ELF1: variants seen among roughly 807,000 people sequenced by gnomAD.
ELF1 encodes the protein E74 like ETS transcription factor 1, also known as ETS-related transcription factor Elf-1.
Under a neutral mutation model 59.9 loss-of-function variants are expected in ELF1, and 24 were observed. The ratio of observed to expected loss-of-function variants is 0.40; its 90% CI spans 0.29 to 0.56. The LOEUF is 0.56. Ranked by LOEUF, ELF1 falls within the 20% of genes least tolerant of loss-of-function variation. ELF1 has a pLI of 0.44. For synonymous variants in ELF1, 248 were observed against 266.2 expected (o/e 0.93, Z 0.67); for missense variants, 627 against 742.2 (o/e 0.84, Z 1.80).
At chr13:41,052,853 A>G (rs1258608482) in intron 1 of ELF1, among the ~76,000 whole-genome samples, 1 of 152,256 alleles carries the variant, frequency 6.6e-6, no homozygotes, top group African/African-American at 2.4e-5. Flanking sequence ...ACCTACATAA[A>G]CGTGCACTTT....
At chr13:41,052,582 C>A (rs941475977) in intron 1 of ELF1, among the ~76,000 whole-genome samples, 2 of 152,010 alleles carry the variant, frequency 1.3e-5, no homozygotes, top group East Asian at 3.9e-4. Flanking sequence ...CAGGCACAGT[C>A]GCTCACGCCT....
intron 8 of ELF1, among the ~76,000 whole-genome samples, chr13:40,937,510 C>T (rs776955264): frequency 4.6e-5 from 7 of 152,238 alleles, no homozygotes; most frequent in Non-Finnish European, 8.8e-5. Flanking sequence ...CACCCTGTCA[C>T]TTGGGCTGGA....
intron 1 of ELF1, among the ~76,000 whole-genome samples, chr13:41,054,810 C>T (rs1422932334): frequency 6.6e-6 from 1 of 152,170 alleles, no homozygotes; most frequent in Non-Finnish European, 1.5e-5. Context: ...ATAATCCTTC[C>T]ATCCACCAGT....
chr13:41,042,669 T>C (rs1876668586), intron 1 of ELF1, among the ~76,000 whole-genome samples: 1 of 152,208 alleles, frequency 6.6e-6, no homozygotes, highest in Non-Finnish European at 1.5e-5. Flanking sequence ...TAGTATTCCA[T>C]GGTGTATATG....
Position 40,932,972 on chromosome 13 carries a change from C to A in ELF1, c.*453G>T. Reference sequence around the variant, plus strand: ...CAACTAAAGTCAATCTAAGTGACACCATAATTTTAACAAAGCATAAAATAG... The same window carrying A: ...CAACTAAAGTCAATCTAAGTGACACAATAATTTTAACAAAGCATAAAATAG... On this transcript the variant is annotated 3_prime_UTR_variant, in exon 9 of 9. Coordinates refer to ENST00000239882, the MANE Select transcript of ELF1 (RefSeq NM_172373.4). 1 of 163,318 alleles carries A rather than the reference C, an allele frequency of 6.1e-6. No homozygotes were observed. The highest frequency in any genetic ancestry group is 1.3e-5 in the Non-Finnish European group (1 of 75,234). 10.1% of individuals were successfully genotyped at this position (163,318 alleles called of 1,614,324 possible).
In ELF1 at chr13:40,933,787, C is replaced by A. The variant is rs781286344; in HGVS notation, c.1498G>T (p.Gly500Cys). The change falls in exon 9 of 9, where the codon GGC (glycine) becomes TGC (cysteine). Residue 500 changes from glycine (G) to cysteine (C), a missense_variant. Physicochemically the swap from Gly to Cys is radical, Grantham distance 159. Coordinates refer to ENST00000239882, the MANE Select transcript of ELF1 (RefSeq NM_172373.4). ...KAGSPPSIVL[G>C]PAQVQQVLTS... is the part of the protein sequence containing the mutation. ...AGGACCTGCTGAACCTGGGCAGGGC[C>A]CAAGACAATTGAAGGAGGAGAGCCC... 6.2e-7 allele frequency: 1 copy of A among 1,614,234 alleles called. No individual in the cohort carries two copies. The highest frequency in any genetic ancestry group is 2.2e-5 in the East Asian group (1 of 44,882).
chr13:41,016,595 T>C (rs1817932148), intron 1 of ELF1, among the ~76,000 whole-genome samples: 1 of 152,004 alleles, frequency 6.6e-6, no homozygotes, highest in South Asian at 2.1e-4. Context: ...AGGTATCACA[T>C]TAAACAATAT....
intron 1 of ELF1, among the ~76,000 whole-genome samples, chr13:40,986,775 A>G (rs766154641): frequency 5.9e-5 from 9 of 152,148 alleles, no homozygotes; most frequent in Non-Finnish European, 1.3e-4. Flanking sequence ...TCAAATGGCT[A>G]CTTGTTTAAT....
chr13:41,028,204 G>A (rs976183896), intron 1 of ELF1, among the ~76,000 whole-genome samples: 1 of 152,140 alleles, frequency 6.6e-6, no homozygotes, highest in Admixed American at 6.5e-5. Flanking sequence ...CAGCCACTTT[G>A]GGCTCCTCAT....
At chr13:40,965,337 G>A (rs1270159525) in intron 2 of ELF1, among the ~76,000 whole-genome samples, 1 of 152,116 alleles carries the variant, frequency 6.6e-6, no homozygotes, top group African/African-American at 2.4e-5. Flanking sequence ...AAATGAAGGT[G>A]TTGGCCGGGT....
At chr13:41,060,259 G>A (rs1267619607) in intron 1 of ELF1, among the ~76,000 whole-genome samples, 2 of 152,228 alleles carry the variant, frequency 1.3e-5, no homozygotes, top group African/African-American at 2.4e-5. Context: ...TGCGGCCAGA[G>A]AACCACTAGA....
chr13:41,013,942 ATTATAT>A (rs900471946), intron 1 of ELF1, among the ~76,000 whole-genome samples: 26 of 151,926 alleles, frequency 1.7e-4, no homozygotes, highest in African/African-American at 6.3e-4. Context: ...ATTTTCTTTA[ATTATAT>A]TTATATTTTT....
intron 1 of ELF1, among the ~76,000 whole-genome samples, chr13:41,055,231 A>T (rs1309469309): frequency 6.6e-6 from 1 of 152,116 alleles, no homozygotes; most frequent in East Asian, 1.9e-4. Flanking sequence ...AGGCATCAGG[A>T]GGATAGTAAA....
chr13:40,993,259 T>C (rs1425325873), intron 1 of ELF1: 8 of 1,582,122 alleles, frequency 5.1e-6, no homozygotes, highest in Non-Finnish European at 6.9e-6. Context: ...ACAGATGTTG[T>C]TGGGCCTCTG....
chr13:40,989,626 C>T (rs1197402279), intron 1 of ELF1, among the ~76,000 whole-genome samples: 2 of 151,872 alleles, frequency 1.3e-5, no homozygotes, highest in East Asian at 3.9e-4. Flanking sequence ...GCATTTTACA[C>T]TAACATCCAT....
intron 8 of ELF1, among the ~76,000 whole-genome samples, chr13:40,934,281 C>CATAG (rs1869613875): frequency 6.6e-6 from 1 of 152,110 alleles, no homozygotes; most frequent in Admixed American, 6.5e-5. Context: ...AAGGTCTGTA[C>CATAG]ATAGGGCCAC....
intron 1 of ELF1, among the ~76,000 whole-genome samples, chr13:41,054,436 T>C (rs1014152334): frequency 2.0e-5 from 3 of 152,228 alleles, no homozygotes; most frequent in African/African-American, 7.2e-5. Context: ...TATTAACTTG[T>C]TCATGGAGTC....
intron 1 of ELF1, among the ~76,000 whole-genome samples, chr13:40,990,346 A>G (rs900846996): frequency 2.0e-5 from 3 of 152,330 alleles, no homozygotes; most frequent in African/African-American, 7.2e-5. Context: ...ATTTACCCAG[A>G]TAGTTCAAGG....
intron 2 of ELF1, among the ~76,000 whole-genome samples, chr13:40,969,945 A>C (rs1003321580): frequency 1.3e-5 from 2 of 152,112 alleles, no homozygotes; most frequent in Non-Finnish European, 2.9e-5. Flanking sequence ...CTCACTCACG[A>C]AACTATCTGG....
Sources: gnomAD v4.1 joint callset for allele counts (sites outside exome capture counted in the v4.1 genomes callset) on GRCh38, gnomAD v4.1.1 for gene constraint, MANE v1.5 for transcripts, NCBI Gene and HGNC (gene_info 2026-07-23, HGNC 2026-07-21) for gene names.